The following GALNT9 variants were observed in gnomAD, a reference collection of about 807,000 sequenced individuals.
GALNT9 encodes the protein GalNAc transferase 9.
GALNT9 carries 47 observed loss-of-function variants against 63.1 expected under a neutral mutation model. That is an observed-to-expected ratio of 0.75 (90% CI 0.59 to 0.95). The LOEUF (loss-of-function observed/expected upper bound fraction) is 0.95, where lower values mean the gene tolerates loss of function less well. GALNT9 is among the 40% of genes least tolerant of loss of function. The pLI, the probability that GALNT9 is intolerant of heterozygous loss-of-function variation, is 0.00. For synonymous variants in GALNT9, 396 were observed against 365.7 expected, an observed-to-expected ratio of 1.08 and a Z score of -0.94; for missense variants, 829 against 874.8, an observed-to-expected ratio of 0.95 and a Z score of 0.66.
At position 132,203,610 on chromosome 12, in the gene GALNT9, G is replaced by A; in HGVS notation, c.1158C>T (p.Asn386=). 1.2e-6 allele frequency: 2 copies of A among 1,613,930 alleles called. No homozygotes were observed. Among genetic ancestry groups the A allele is most frequent in the Non-Finnish European group, 8.5e-7 (1 of 1,179,826 alleles). ...GCTTGGCATAGTAGTCAATGTCGTTGTTGTAGGGCTTCCTGGTGCGCTCGA... is the reference window on the plus strand; with the variant it reads ...GCTTGGCATAGTAGTCAATGTCGTTATTGTAGGGCTTCCTGGTGCGCTCGA... The part of the protein sequence containing the change: ...AHIERTRKPY[N]NDIDYYAKRN... Residue 386 remains asparagine, a synonymous_variant, in exon 7 of 11, where the codon AAC becomes AAT. Transcript: ENST00000328957.
chr12:132,196,994 C>T lies in GALNT9; in HGVS notation c.*113G>A. 1 of 1,533,618 alleles carries T rather than the reference C, an allele frequency of 6.5e-7. No individual in the cohort carries two copies. On this transcript the variant is annotated 3_prime_UTR_variant, in exon 11 of 11. Transcript: ENST00000328957. ...GGCCCCTCAGCCTCTGCTGTCCTGG[C>T]CGCACATAGAGCCCTGTCCTGCTGT...
intron 2 of GALNT9, among the ~76,000 whole-genome samples, chr12:132,263,502 C>T (rs1879483094): frequency 6.6e-6 from 1 of 152,114 alleles, no homozygotes; most frequent in South Asian, 2.1e-4. Context: ...ACTCCCAGAG[C>T]CCAGGGGGAG....
At chr12:132,199,846 G>C (rs1366346198) in intron 8 of GALNT9, among the ~76,000 whole-genome samples, 1 of 151,990 alleles carries the variant, frequency 6.6e-6, no homozygotes, top group Non-Finnish European at 1.5e-5. Flanking sequence ...GCCCCGGCTC[G>C]TGAGCAAGTG....
At chr12:132,217,074 G>A (rs1272431801) in intron 6 of GALNT9, among the ~76,000 whole-genome samples, 1 of 152,100 alleles carries the variant, frequency 6.6e-6, no homozygotes, top group African/African-American at 2.4e-5. Flanking sequence ...CTTCCATTTT[G>A]CCAATATTCC....
Position 132,329,009 on chromosome 12 carries a change from C to G in GALNT9, c.195G>C (p.Gln65His). 1 of 1,543,206 alleles carries G rather than the reference C, an allele frequency of 6.5e-7. No homozygotes were observed. Among genetic ancestry groups the G allele is most frequent in the Non-Finnish European group, 8.7e-7 (1 of 1,145,566 alleles). Residue 65 changes from glutamine to histidine, a missense_variant, in exon 1 of 11, where the codon CAG (glutamine) becomes CAC (histidine). By Grantham distance (24) the Gln-to-His change is conservative. Transcript: ENST00000328957. The part of the protein sequence containing the change: ...GTLGDREAIL[Q>H]RLDHLEEVVY... ...CCACCTCCTCCAGGTGGTCCAGGCG[C>G]TGCAGGATGGCCTCACGGTCCCCCA...
intron 1 of GALNT9, among the ~76,000 whole-genome samples, chr12:132,312,213 C>G (rs1881838921): frequency 6.6e-6 from 1 of 152,352 alleles, no homozygotes; most frequent in African/African-American, 2.4e-5. Context: ...GAGACTAATA[C>G]AGCGTTTGAT....
chr12:132,200,873 T>C (rs113033846), intron 8 of GALNT9: 1 of 512,038 alleles, frequency 2.0e-6, no homozygotes, highest in Admixed American at 3.6e-5. Context: ...GACATGTGGG[T>C]CTGCAGGTGC....
intron 5 of GALNT9, among the ~76,000 whole-genome samples, chr12:132,255,247 ACT>A (rs1401457115): frequency 6.6e-6 from 1 of 152,026 alleles, no homozygotes; most frequent in East Asian, 1.9e-4. Context: ...GACCAAACAG[ACT>A]CTTTTGTAGA....
At position 132,286,306 on chromosome 12, in the gene GALNT9, A is replaced by T; in HGVS notation, c.363T>A (p.Ala121=). 1 of 1,551,056 alleles carries T rather than the reference A, an allele frequency of 6.4e-7. No homozygotes were observed. The highest frequency in any genetic ancestry group is 8.7e-7 in the Non-Finnish European group (1 of 1,146,858). The part of the protein sequence containing the change: ...EGKYEEYGYN[A]QLSDRISLDR... ...CGAGGGAGATGCGGTCGCTGAGCTG[A>T]GCGTTGTAGCCGTACTCCTCATACT... Residue 121 remains alanine (A), a synonymous_variant, in exon 2 of 11, where the codon GCT becomes GCA. Coordinates refer to ENST00000328957, the MANE Select transcript of GALNT9 (RefSeq NM_001122636.2). The surrounding 1 kb of genome is among the most constrained non-coding windows in gnomAD (Gnocchi z 7.4).
intron 6 of GALNT9, among the ~76,000 whole-genome samples, chr12:132,216,268 GAA>G (rs1877187667): frequency 6.6e-6 from 1 of 152,206 alleles, no homozygotes; most frequent in Admixed American, 6.5e-5. Flanking sequence ...AAGACACAGA[GAA>G]AGACACACAA....
chr12:132,251,597 C>T (rs1364893676), intron 5 of GALNT9, among the ~76,000 whole-genome samples: 2 of 152,240 alleles, frequency 1.3e-5, no homozygotes, highest in Admixed American at 1.3e-4. Flanking sequence ...GGAGAGGTCT[C>T]AGGGACAGCA....
Position 132,196,564 on chromosome 12 carries a change from A to G in GALNT9, c.*543T>C, listed in dbSNP as rs1199448916. On this transcript the variant is annotated 3_prime_UTR_variant, in exon 11 of 11. Coordinates refer to ENST00000328957, the MANE Select transcript of GALNT9 (RefSeq NM_001122636.2). Reference sequence around the variant, plus strand: ...GCTGAAGCAGTCGTGCCAGCCTCCTAGACACGGCCTCAGGTTTGTCGCTGT... The same window carrying G: ...GCTGAAGCAGTCGTGCCAGCCTCCTGGACACGGCCTCAGGTTTGTCGCTGT... 2.0e-6 allele frequency: 2 copies of G among 986,412 alleles called. No homozygotes were observed. The highest frequency in any genetic ancestry group is 1.7e-5 in the African/African-American group (1 of 57,220). The allele number at this position is 986,412 out of a possible 1,614,324, so 61.1% of individuals were successfully genotyped here. A position where few individuals can be genotyped will look rare whatever the true frequency, so the allele number is the denominator to read the frequency against.
intron 2 of GALNT9, among the ~76,000 whole-genome samples, chr12:132,271,761 C>T (rs1336068547): frequency 1.3e-5 from 2 of 152,168 alleles, no homozygotes; most frequent in East Asian, 1.9e-4. Context: ...GGGCCAGCGA[C>T]GGCCAGGGCC....
At chr12:132,270,858 C>T (rs1304576920) in intron 2 of GALNT9, among the ~76,000 whole-genome samples, 1 of 151,728 alleles carries the variant, frequency 6.6e-6, no homozygotes, top group Non-Finnish European at 1.5e-5. Context: ...GACGGTCAGT[C>T]ATTGCCACAC....
chr12:132,200,836 G>T (rs1876010101), intron 8 of GALNT9: 1 of 436,876 alleles, frequency 2.3e-6, no homozygotes, highest in African/African-American at 2.0e-5. Flanking sequence ...CTCTAGGGAG[G>T]TCCATGTGAA....
intron 2 of GALNT9, chr12:132,277,470 G>C (rs1308874063): frequency 6.5e-6 from 1 of 154,926 alleles, no homozygotes; most frequent in East Asian, 1.9e-4. Flanking sequence ...GTGACTTTCT[G>C]CCACGGTTGC....
At chr12:132,226,232 A>C (rs1356660910) in intron 6 of GALNT9, among the ~76,000 whole-genome samples, 1 of 135,054 alleles carries the variant, frequency 7.4e-6, no homozygotes, top group African/African-American at 2.9e-5. Context: ...CATACACCCC[A>C]TACACAACAT....
rs1409641596 is a variant in GALNT9, at chr12:132,319,387, T to A, written c.238+9579A>T. ...TCTGCTCCTGCCTGTGGACATCGGG[T>A]GGAGCTGCCAGGTCTCGGGCCTTTG... is the stretch of plus-strand genomic sequence containing the variant. On this transcript the variant is annotated intron_variant, in intron 1 of 10. Coordinates refer to ENST00000328957, the MANE Select transcript of GALNT9 (RefSeq NM_001122636.2). This position sits in a 1 kb window ranked among gnomAD's most constrained non-coding sequence, Gnocchi z 5.2. Among the ~76,000 whole-genome samples, 2 of 152,040 alleles carry A rather than the reference T, an allele frequency of 1.3e-5. No individual in the cohort carries two copies. Among genetic ancestry groups the A allele is most frequent in the African/African-American group, 4.8e-5 (2 of 41,386 alleles).
At position 132,265,352 on chromosome 12, in the gene GALNT9, G is replaced by A. The variant is rs1442349439; in HGVS notation, c.420-2727C>T. ...GGGCTGAACGGTGTCCTCCTCCCGC[G>A]ACCCAAGACACAGTGTCAGCAGGAC... On this transcript the variant is annotated intron_variant, in intron 2 of 10. Coordinates refer to ENST00000328957, the MANE Select transcript of GALNT9 (RefSeq NM_001122636.2). The surrounding 1 kb of genome is among the most constrained non-coding windows in gnomAD (Gnocchi z 5.3). 2.6e-5 allele frequency among the ~76,000 whole-genome samples: 4 copies of A among 152,106 alleles called. No homozygotes were observed. The highest frequency in any genetic ancestry group is 9.7e-5 in the African/African-American group (4 of 41,418).
Sources: gnomAD v4.1 joint callset for allele counts (sites outside exome capture counted in the v4.1 genomes callset) on GRCh38, gnomAD v4.1.1 for gene constraint, Gnocchi (gnomAD v3.1) non-coding constraint, MANE v1.5 for transcripts, NCBI Gene and HGNC (gene_info 2026-07-23, HGNC 2026-07-21) for gene names.